The following ADAMTS3 variants were observed in gnomAD, a reference collection of about 807,000 sequenced individuals.
The protein encoded by ADAMTS3 is A disintegrin and metalloproteinase with thrombospondin motifs 3.
A neutral mutation model predicts 129.0 loss-of-function variants in ADAMTS3; 73 were observed. That is an observed-to-expected ratio of 0.57 (90% CI 0.47 to 0.69). The LOEUF (loss-of-function observed/expected upper bound fraction) is 0.69, where lower values mean the gene tolerates loss of function less well. Among genes scored for constraint, ADAMTS3 ranks in the 30% least tolerant of loss-of-function variants. The pLI is 0.00. For missense variants in ADAMTS3, 1,457 were observed against 1,514.5 expected, an observed-to-expected ratio of 0.96 and a Z score of 0.63; for synonymous variants, 477 against 510.8, an observed-to-expected ratio of 0.93 and a Z score of 0.89.
At chr4:72,561,102 T>C (rs1339286641) in intron 2 of ADAMTS3, among the ~76,000 whole-genome samples, 4 of 151,882 alleles carry the variant, frequency 2.6e-5, no homozygotes, top group Non-Finnish European at 4.4e-5. Context: ...ACTGTAATCC[T>C]AGCACTTTGG....
chr4:72,481,575 T>C (rs1192000066), intron 3 of ADAMTS3, among the ~76,000 whole-genome samples: 1 of 152,066 alleles, frequency 6.6e-6, no homozygotes, highest in Non-Finnish European at 1.5e-5. Flanking sequence ...TAAATGTAAG[T>C]CATAAAATCA....
intron 2 of ADAMTS3, among the ~76,000 whole-genome samples, chr4:72,549,122 T>C (rs1164949128): frequency 6.6e-6 from 1 of 152,232 alleles, no homozygotes; most frequent in African/African-American, 2.4e-5. Flanking sequence ...AATTACATTG[T>C]AAATATTTAC....
chr4:72,446,823 T>G (rs1440240038), intron 3 of ADAMTS3, among the ~76,000 whole-genome samples: 1 of 151,610 alleles, frequency 6.6e-6, no homozygotes, highest in Non-Finnish European at 1.5e-5. Flanking sequence ...AATCTAAGAT[T>G]TTTTTCTATC....
Position 72,339,588 on chromosome 4 carries a change from T to G in ADAMTS3, c.767A>C (p.Tyr256Ser). ...RRRRHAGEND[Y>S]NIEVLLGVDD... ...CACTCCCAGCAGTACCTCGATATTGTAATCGTTTTCTCCCGCGTGTCTGCG... is the reference window on the plus strand; with the variant it reads ...CACTCCCAGCAGTACCTCGATATTGGAATCGTTTTCTCCCGCGTGTCTGCG... Residue 256 changes from tyrosine (Y) to serine (S), a missense_variant, in exon 5 of 22, where the codon TAC (tyrosine) becomes TCC (serine). Transcript: ENST00000286657. The G allele has an allele frequency of 4.3e-6, 7 of 1,613,976 alleles. No individual in the cohort carries two copies. Among genetic ancestry groups the G allele is most frequent in the Non-Finnish European group, 5.9e-6 (7 of 1,179,900 alleles).
intron 2 of ADAMTS3, among the ~76,000 whole-genome samples, chr4:72,559,571 A>G (rs1043915739): frequency 6.6e-6 from 1 of 151,772 alleles, no homozygotes; most frequent in Admixed American, 6.6e-5. Context: ...ATTCATGGTG[A>G]TAGGCAGACC....
At chr4:72,435,084 C>A (rs1198861975) in intron 3 of ADAMTS3, among the ~76,000 whole-genome samples, 1 of 151,792 alleles carries the variant, frequency 6.6e-6, no homozygotes, top group East Asian at 2.0e-4. Flanking sequence ...CATGCTTGAG[C>A]AAAGACATAG....
chr4:72,539,253 C>A (rs1342028178), intron 3 of ADAMTS3, among the ~76,000 whole-genome samples: 1 of 151,886 alleles, frequency 6.6e-6, no homozygotes, highest in Non-Finnish European at 1.5e-5. Flanking sequence ...CACTTGCAAA[C>A]CATATATCTG....
At chr4:72,501,021 T>C (rs7679595) in intron 3 of ADAMTS3, among the ~76,000 whole-genome samples, 34,928 of 152,178 alleles carry the variant, frequency 0.23, 4,428 homozygotes, top group Non-Finnish European at 0.29. Flanking sequence ...TGTAGCCTTA[T>C]TGTATAGTTT....
chr4:72,367,236 A>G (rs1393363575), intron 4 of ADAMTS3, among the ~76,000 whole-genome samples: 1 of 152,020 alleles, frequency 6.6e-6, no homozygotes, highest in Non-Finnish European at 1.5e-5. Flanking sequence ...ATTTTTTTCT[A>G]TTATCCAGAG....
Position 72,319,329 on chromosome 4 carries a change from T to C in ADAMTS3, c.1352+3A>G. 1 of 1,613,866 alleles carries C rather than the reference T, an allele frequency of 6.2e-7. No individual in the cohort carries two copies. Among genetic ancestry groups the C allele is most frequent in the Non-Finnish European group, 8.5e-7 (1 of 1,179,886 alleles). ...CTTTCATGACATGCAGCAGGGGACA[T>C]ACTGGATATATCTTTTCAGTTCTTG... On this transcript the variant is annotated splice_donor_region_variant and intron_variant, in intron 9 of 21. Transcript: ENST00000286657.
At chr4:72,430,200 C>A (rs1722664371) in intron 3 of ADAMTS3, among the ~76,000 whole-genome samples, 1 of 152,044 alleles carries the variant, frequency 6.6e-6, no homozygotes, top group South Asian at 2.1e-4. Flanking sequence ...AGTTTAATTT[C>A]CTTGCCCTTG....
At chr4:72,343,599 G>A (rs754037025) in intron 4 of ADAMTS3, among the ~76,000 whole-genome samples, 3 of 152,116 alleles carry the variant, frequency 2.0e-5, no homozygotes, top group African/African-American at 7.2e-5. Flanking sequence ...TTAGGGAGAC[G>A]GATTTGAGTA....
chr4:72,455,784 TTATATA>T (rs374579698), intron 3 of ADAMTS3, among the ~76,000 whole-genome samples: 2 of 133,974 alleles, frequency 1.5e-5, no homozygotes, highest in Non-Finnish European at 3.1e-5. Flanking sequence ...TTGTAACTAC[TTATATA>T]TATATATATT....
chr4:72,344,554 C>T (rs1343519540), intron 4 of ADAMTS3, among the ~76,000 whole-genome samples: 1 of 152,080 alleles, frequency 6.6e-6, no homozygotes, highest in Admixed American at 6.6e-5. Context: ...AAAAGTCACT[C>T]CCAATCTCCC....
chr4:72,355,660 A>G (rs1177317677), intron 4 of ADAMTS3, among the ~76,000 whole-genome samples: 1 of 151,990 alleles, frequency 6.6e-6, no homozygotes, highest in Non-Finnish European at 1.5e-5. Context: ...ATGCAGCAAC[A>G]AGGCACCATC....
chr4:72,360,873 T>C (rs1277041666), intron 4 of ADAMTS3, among the ~76,000 whole-genome samples: 1 of 152,136 alleles, frequency 6.6e-6, no homozygotes, highest in Non-Finnish European at 1.5e-5. Context: ...AATTCCTCCC[T>C]ATTTTTCCTT....
At chr4:72,459,297 T>C (rs1435247848) in intron 3 of ADAMTS3, among the ~76,000 whole-genome samples, 1 of 151,622 alleles carries the variant, frequency 6.6e-6, no homozygotes, top group Non-Finnish European at 1.5e-5. Flanking sequence ...CATAGATCAA[T>C]ACCTGGTTAT....
At chr4:72,353,956 C>T (rs1189885517) in intron 4 of ADAMTS3, among the ~76,000 whole-genome samples, 1 of 151,950 alleles carries the variant, frequency 6.6e-6, no homozygotes, top group Admixed American at 6.6e-5. Context: ...TCAGGAACTG[C>T]TTCCAATCTG....
chr4:72,485,377 A>G (rs903937587), intron 3 of ADAMTS3, among the ~76,000 whole-genome samples: 4 of 152,154 alleles, frequency 2.6e-5, no homozygotes, highest in African/African-American at 9.7e-5. Context: ...TGATTTTAGA[A>G]GTGATATAAA....
Sources: allele counts gnomAD v4.1 joint callset (sites outside exome capture counted in the v4.1 genomes callset), GRCh38; gene constraint gnomAD v4.1.1; transcripts MANE v1.5; gene names NCBI Gene and HGNC (gene_info 2026-07-23, HGNC 2026-07-21).